The following ACTC1 variants were observed in gnomAD, a reference collection of about 807,000 sequenced individuals.
ACTC1 encodes actin, alpha cardiac muscle 1.
ACTC1 carries 10 observed loss-of-function variants against 31.6 expected under a neutral mutation model. The ratio of observed to expected loss-of-function variants is 0.32; its 90% CI spans 0.19 to 0.54. The LOEUF is 0.54. ACTC1 is among the 20% of genes least tolerant of loss of function. The probability of loss-of-function intolerance (pLI) is 0.95; values close to 1 mark genes in which losing one functional copy is unlikely to be tolerated. For synonymous variants in ACTC1, 196 were observed against 185.0 expected (o/e 1.06, Z -0.48); for missense variants, 129 against 506.4 (o/e 0.25, Z 7.15).
At position 34,792,311 on chromosome 15, in the gene ACTC1, C is replaced by G; in HGVS notation, c.617-30G>C. Reference sequence around the variant, plus strand: ...AGAAATAAAGAGTATCACAGTCATGCTCTGAAGCAAGAAGTCAATTATAGG... The same window carrying G: ...AGAAATAAAGAGTATCACAGTCATGGTCTGAAGCAAGAAGTCAATTATAGG... On this transcript the variant is annotated intron_variant, in intron 4 of 6. Coordinates refer to ENST00000290378, the MANE Select transcript of ACTC1 (RefSeq NM_005159.5). This position sits in a 1 kb window ranked among gnomAD's most constrained non-coding sequence, Gnocchi z 5.3. 2 of 1,614,152 alleles carry G rather than the reference C, an allele frequency of 1.2e-6. No homozygotes were observed. The highest frequency in any genetic ancestry group is 1.7e-6 in the Non-Finnish European group (2 of 1,179,994).
Position 34,792,396 on chromosome 15 carries a change from A to G in ACTC1, c.616+12T>C. 2 of 1,614,208 alleles carry G rather than the reference A, an allele frequency of 1.2e-6. No individual in the cohort carries two copies. Among genetic ancestry groups the G allele is most frequent in the Non-Finnish European group, 1.7e-6 (2 of 1,180,030 alleles). ...AGACCCACACTGTGGCAGATGAGACACACACACTCACCAGTGGTGACAAAG... is the reference window on the plus strand; with the variant it reads ...AGACCCACACTGTGGCAGATGAGACGCACACACTCACCAGTGGTGACAAAG... On this transcript the variant is annotated intron_variant, in intron 4 of 6. Coordinates refer to ENST00000290378, the MANE Select transcript of ACTC1 (RefSeq NM_005159.5). The surrounding 1 kb of genome is among the most constrained non-coding windows in gnomAD (Gnocchi z 5.3).
At chr15:34,791,354 TCAC>T (rs1891704042) in intron 5 of ACTC1, 59 bp from the exon 6 acceptor site, 1 of 1,240,046 alleles carries the variant, frequency 8.1e-7, no homozygotes, top group African/African-American at 1.8e-5. Flanking sequence ...CACACACACA[TCAC>T]AGTGCATTCA....
intron 6 of ACTC1, 105 bp from the exon 7 acceptor site, chr15:34,790,660 C>G (rs1018048937): frequency 1.5e-6 from 2 of 1,359,236 alleles, no homozygotes; most frequent in Non-Finnish European, 2.1e-6. Flanking sequence ...GATATTAATT[C>G]GCTATAATGT....
rs970569971 is a variant in ACTC1, at chr15:34,793,691, C to G, written c.130-122G>C. The G allele has an allele frequency of 4.2e-6, 4 of 946,038 alleles. No individual in the cohort carries two copies. Among genetic ancestry groups the G allele is most frequent in the Admixed American group, 4.3e-5 (2 of 46,968 alleles). 58.6% of individuals were successfully genotyped at this position (946,038 alleles called of 1,614,324 possible). ...ATATTTAAATACCAGAAATAACAAG[C>G]AATACGATTTTACCCCAATTTAGAA... On this transcript the variant is annotated intron_variant, in intron 2 of 6. Coordinates refer to ENST00000290378, the MANE Select transcript of ACTC1 (RefSeq NM_005159.5). The surrounding 1 kb of genome is among the most constrained non-coding windows in gnomAD (Gnocchi z 4.8).
rs750131288 is a variant in ACTC1, at chr15:34,792,487, A to G, written c.537T>C (p.Arg179=). 19 of 1,614,030 alleles carry G rather than the reference A, an allele frequency of 1.2e-5. No homozygotes were observed. The highest frequency in any genetic ancestry group is 1.5e-5 in the Non-Finnish European group (18 of 1,180,034). Residue 179 remains arginine, a synonymous_variant, in exon 4 of 7, where the codon CGT becomes CGC. Transcript: ENST00000290378. This position sits in a 1 kb window ranked among gnomAD's most constrained non-coding sequence, Gnocchi z 5.3. The stretch of plus-strand genomic sequence containing the variant: ...TGAGGTCCCGACCAGCCAGATCCAG[A>G]CGCATGATGGCATGGGGCAAAGCGT... ...EGYALPHAIM[R]LDLAGRDLTD...
rs553652706 is a variant in ACTC1 at position 34,790,296 on chromosome 15, C to A, written c.*116G>T. ...ATATTAGAAGCACAAACAAATTGCA[C>A]GTGTGTAAACAAACTGTACAATGAT... On this transcript the variant is annotated 3_prime_UTR_variant, in exon 7 of 7. Transcript: ENST00000290378. The A allele has an allele frequency of 2.3e-6, 3 of 1,329,156 alleles. No individual in the cohort carries two copies. In the African/African-American group the frequency reaches 4.3e-5, roughly 19 times the overall value. The allele number at this position is 1,329,156 out of a possible 1,614,324, so 82.3% of individuals were successfully genotyped here. A position where few individuals can be genotyped will look rare whatever the true frequency, so the allele number is the denominator to read the frequency against.
chr15:34,791,781 G>A (rs759677376), intron 5 of ACTC1: 35 of 416,348 alleles, frequency 8.4e-5, no homozygotes, highest in Non-Finnish European at 1.5e-4. Context: ...CTACTTGGTA[G>A]TGAAACTTAC....
At chr15:34,791,451 A>G (rs1891707025) in intron 5 of ACTC1, among the ~76,000 whole-genome samples, 156 bp from the exon 6 acceptor site, 1 of 152,090 alleles carries the variant, frequency 6.6e-6, no homozygotes, top group South Asian at 2.1e-4. Context: ...TTCCCCTATA[A>G]GACACACTGC....
intron 5 of ACTC1, 134 bp from the exon 6 acceptor site, chr15:34,791,429 C>G: frequency 8.0e-7 from 1 of 1,252,384 alleles, no homozygotes; most frequent in Middle Eastern, 2.5e-4. Flanking sequence ...CCATTTGTCT[C>G]TGAAACATAT....
rs965164993 is a variant in ACTC1, at chr15:34,792,686, C to G, written c.455-117G>C. ...GAGATGCTAGCAATGGGCATTGATC[C>G]AGATAAAATTAGATTCCTTACACAC... On this transcript the variant is annotated intron_variant, in intron 3 of 6. Transcript: ENST00000290378. The surrounding 1 kb of genome is among the most constrained non-coding windows in gnomAD (Gnocchi z 5.3). The G allele has an allele frequency of 1.8e-6, 2 of 1,099,910 alleles. No homozygotes were observed. Among genetic ancestry groups the G allele is most frequent in the African/African-American group, 3.1e-5 (2 of 64,430 alleles). The allele number at this position is 1,099,910 out of a possible 1,614,324, so 68.1% of individuals were successfully genotyped here. A position where few individuals can be genotyped will look rare whatever the true frequency, so the allele number is the denominator to read the frequency against.
At chr15:34,791,887 G>A in intron 5 of ACTC1, 1 of 593,832 alleles carries the variant, frequency 1.7e-6, no homozygotes, top group South Asian at 2.0e-5. Flanking sequence ...GATGAACTCA[G>A]TGTGTCATCC....
At chr15:34,790,671 G>A in intron 6 of ACTC1, 116 bp from the exon 7 acceptor site, 1 of 1,201,280 alleles carries the variant, frequency 8.3e-7, no homozygotes, top group Non-Finnish European at 1.2e-6. Flanking sequence ...GCTATAATGT[G>A]GGATATGTCA....
intron 6 of ACTC1, 150 bp from the exon 7 acceptor site, chr15:34,790,705 CAA>C: frequency 2.5e-6 from 2 of 797,928 alleles, no homozygotes; most frequent in Admixed American, 2.1e-5. Flanking sequence ...TGTGGCCAAT[CAA>C]GTTATATGAA....
At position 34,790,275 on chromosome 15, in the gene ACTC1, T is replaced by A. The variant is rs149031785; in HGVS notation, c.*137A>T. On this transcript the variant is annotated 3_prime_UTR_variant, in exon 7 of 7. Coordinates refer to ENST00000290378, the MANE Select transcript of ACTC1 (RefSeq NM_005159.5). Reference sequence around the variant, plus strand: ...GGTTTATTTATAAAGCAATAAATATTAGAAGCACAAACAAATTGCACGTGT... The same window carrying A: ...GGTTTATTTATAAAGCAATAAATATAAGAAGCACAAACAAATTGCACGTGT... 4.1e-4 allele frequency: 474 copies of A among 1,162,382 alleles called. 1 individual carries two copies. The African/African-American group carries it at 6.4e-3, about 16-fold the overall frequency. 72.0% of individuals were successfully genotyped at this position (1,162,382 alleles called of 1,614,324 possible). A position where few individuals can be genotyped will look rare whatever the true frequency, so the allele number is the denominator to read the frequency against.
At chr15:34,794,137 T>A (rs1212568440) in intron 2 of ACTC1, among the ~76,000 whole-genome samples, 1 of 152,188 alleles carries the variant, frequency 6.6e-6, no homozygotes, top group Non-Finnish European at 1.5e-5. Context: ...GAGCATGGCA[T>A]GTCTTTTAAC....
rs766861052 is a variant in ACTC1 at position 34,793,609 on chromosome 15, G to A, written c.130-40C>T. 1.3e-6 allele frequency: 2 copies of A among 1,569,340 alleles called. No homozygotes were observed. Among genetic ancestry groups the A allele is most frequent in the African/African-American group, 1.3e-5 (1 of 74,132 alleles). ...AATGAGAAAATCATGCTCTCACCAT[G>A]TCAGGAATATAATCAGTGTCTTGTC... On this transcript the variant is annotated intron_variant, in intron 2 of 6. Coordinates refer to ENST00000290378, the MANE Select transcript of ACTC1 (RefSeq NM_005159.5). This position sits in a 1 kb window ranked among gnomAD's most constrained non-coding sequence, Gnocchi z 4.8.
rs1555418793 is a variant in ACTC1 at position 34,792,234 on chromosome 15, C to T, written c.664G>A (p.Ala222Thr). The change falls in exon 5 of 7, where the codon GCC becomes ACC. Residue 222 changes from alanine to threonine, a missense_variant. This residue lies in a region of ACTC1 where 37 missense variants were observed against 228.6 expected (regional missense o/e 0.16). Coordinates refer to ENST00000290378, the MANE Select transcript of ACTC1 (RefSeq NM_005159.5). This position sits in a 1 kb window ranked among gnomAD's most constrained non-coding sequence, Gnocchi z 5.3. Reference sequence around the variant, plus strand: ...GCCATCTCATTCTCAAAATCCAGGGCGACATAGCACAGCTTCTCTTTAATG... The same window carrying T: ...GCCATCTCATTCTCAAAATCCAGGGTGACATAGCACAGCTTCTCTTTAATG... ...RDIKEKLCYV[A>T]LDFENEMATA... is the part of the protein sequence containing the mutation. 1 of 1,614,192 alleles carries T rather than the reference C, an allele frequency of 6.2e-7. No individual in the cohort carries two copies. Among genetic ancestry groups the T allele is most frequent in the Non-Finnish European group, 8.5e-7 (1 of 1,180,044 alleles).
chr15:34,794,278 A>G (rs984781054), intron 2 of ACTC1, among the ~76,000 whole-genome samples: 14 of 152,252 alleles, frequency 9.2e-5, no homozygotes, highest in African/African-American at 3.1e-4. Context: ...GGCTGTGAAC[A>G]TGAGAGAGGA....
intron 1 of ACTC1, among the ~76,000 whole-genome samples, chr15:34,795,078 G>T (rs1375020684): frequency 1.3e-5 from 2 of 152,094 alleles, no homozygotes; most frequent in Non-Finnish European, 2.9e-5. Flanking sequence ...TCCAGCTAGG[G>T]TGCCAGGTGC....
Sources: allele counts gnomAD v4.1 joint callset (sites outside exome capture counted in the v4.1 genomes callset), GRCh38; gene constraint gnomAD v4.1.1; regional missense constraint gnomAD v4.1.1; non-coding constraint Gnocchi (gnomAD v3.1); transcripts MANE v1.5; gene names NCBI Gene and HGNC (gene_info 2026-07-23, HGNC 2026-07-21).